The following ANKFY1 variants were observed in gnomAD, a reference collection of about 807,000 sequenced individuals.
The protein encoded by ANKFY1 is ankyrin repeat and FYVE domain-containing protein 1.
Under a neutral mutation model 128.3 loss-of-function variants are expected in ANKFY1, and 47 were observed. The ratio of observed to expected loss-of-function variants is 0.37; its 90% CI spans 0.29 to 0.47. ANKFY1 has a LOEUF of 0.47. ANKFY1 is among the 20% of genes least tolerant of loss of function. The pLI is 1.00. For missense variants in ANKFY1, 1,222 were observed against 1,510.6 expected (o/e 0.81, Z 3.17); for synonymous variants, 553 against 601.6 (o/e 0.92, Z 1.18).
intron 3 of ANKFY1, among the ~76,000 whole-genome samples, chr17:4,231,219 G>C (rs1366924546): frequency 6.6e-6 from 1 of 152,224 alleles, no homozygotes; most frequent in Non-Finnish European, 1.5e-5. Flanking sequence ...ACAAGAGCCA[G>C]GCAGAGTGGC....
rs571532088 is a variant in ANKFY1, at chr17:4,257,161, C to G, written c.10+6771G>C. Among the ~76,000 whole-genome samples, 3 of 152,288 alleles carry G rather than the reference C, an allele frequency of 2.0e-5. No homozygotes were observed. The South Asian group carries it at 6.2e-4, about 32-fold the overall frequency. On this transcript the variant is annotated intron_variant, in intron 1 of 24. Transcript: ENST00000341657. ...TGAGTCATCTTTGATTCTCTCTCAT[C>G]AACATTCAACCAGGTTTCAAAAGTC...
chr17:4,177,390 A>T, intron 18 of ANKFY1, 88 bp from the exon 19 acceptor site: 2 of 1,216,600 alleles, frequency 1.6e-6, no homozygotes, highest in Non-Finnish European at 2.3e-6. Flanking sequence ...ACCACTGGAG[A>T]GGTCACGATG....
chr17:4,223,271 G>A lies in ANKFY1; in HGVS notation c.323-6153C>T, dbSNP rs922427446. Reference sequence around the variant, plus strand: ...GGTGACACTGCCTTACATGAACTGAGGGAATCTTCACTTGTTTTTACGGCA... The same window carrying A: ...GGTGACACTGCCTTACATGAACTGAAGGAATCTTCACTTGTTTTTACGGCA... On this transcript the variant is annotated intron_variant, in intron 3 of 24. Coordinates refer to ENST00000341657, the MANE Select transcript of ANKFY1 (RefSeq NM_001330063.2). The A allele has an allele frequency of 4.3e-5, 38 of 890,030 alleles. No individual in the cohort carries two copies. The Admixed American group carries it at 6.8e-4, about 16-fold the overall frequency. 55.1% of individuals were successfully genotyped at this position (890,030 alleles called of 1,614,324 possible).
intron 3 of ANKFY1, among the ~76,000 whole-genome samples, chr17:4,233,984 G>A (rs561881807): frequency 1.1e-3 from 160 of 152,306 alleles, no homozygotes; most frequent in African/African-American, 3.5e-3. Flanking sequence ...TGATGGTCCC[G>A]TAAAATTATA....
intron 1 of ANKFY1, among the ~76,000 whole-genome samples, chr17:4,252,943 C>T (rs570346101): frequency 3.9e-5 from 6 of 152,178 alleles, no homozygotes; most frequent in Admixed American, 6.5e-5. Flanking sequence ...GCAAAAAAGA[C>T]TACATACTGT....
intron 11 of ANKFY1, among the ~76,000 whole-genome samples, chr17:4,185,781 C>T (rs2059600472): frequency 6.6e-6 from 1 of 152,052 alleles, no homozygotes; most frequent in South Asian, 2.1e-4. Flanking sequence ...CTTATCACGA[C>T]AGAACAATAA....
intron 1 of ANKFY1, among the ~76,000 whole-genome samples, chr17:4,247,233 C>T (rs939333608): frequency 6.6e-6 from 1 of 152,164 alleles, no homozygotes; most frequent in African/African-American, 2.4e-5. Flanking sequence ...CATCTTCCCC[C>T]TCTCTGCTCT....
intron 2 of ANKFY1, among the ~76,000 whole-genome samples, chr17:4,237,781 T>TA (rs1966982992): frequency 6.6e-6 from 1 of 152,158 alleles, no homozygotes; most frequent in Admixed American, 6.6e-5. Context: ...CCATGAGGAT[T>TA]CTATGTTGAA....
In ANKFY1 at chr17:4,178,932, A is replaced by C; in HGVS notation, c.2523T>G (p.Phe841Leu). The C allele has an allele frequency of 6.2e-7, 1 of 1,614,260 alleles. No homozygotes were observed. The highest frequency in any genetic ancestry group is 8.5e-7 in the Non-Finnish European group (1 of 1,180,052). The change falls in exon 18 of 25, where the codon TTT (phenylalanine) becomes TTG (leucine). Residue 841 changes from phenylalanine to leucine, a missense_variant. Transcript: ENST00000341657. This position sits in a 1 kb window ranked among gnomAD's most constrained non-coding sequence, Gnocchi z 4.1. ...NVRDRQGLTP[F>L]ACAMTFKNNK... ...TGTTCTTGAAAGTCATGGCACAGGC[A>C]AACGGGGTCAGCCCTTGTCTGTCTC... is the stretch of plus-strand genomic sequence containing the variant.
intron 6 of ANKFY1, among the ~76,000 whole-genome samples, chr17:4,206,875 TC>T (rs2143015537): frequency 6.6e-6 from 1 of 152,238 alleles, no homozygotes; most frequent in Admixed American, 6.5e-5. Context: ...GTTTAATGTC[TC>T]CCCATACACT....
At chr17:4,207,189 C>A (rs982110191) in intron 6 of ANKFY1, among the ~76,000 whole-genome samples, 9 of 152,182 alleles carry the variant, frequency 5.9e-5, no homozygotes, top group African/African-American at 1.9e-4. Flanking sequence ...TCTATCTAAC[C>A]ACAGAGGGCC....
At chr17:4,262,945 G>T (rs1968500736) in intron 1 of ANKFY1, among the ~76,000 whole-genome samples, 1 of 152,130 alleles carries the variant, frequency 6.6e-6, no homozygotes, top group Non-Finnish European at 1.5e-5. Flanking sequence ...CAAGTGATGG[G>T]TTCAGTCAAA....
At chr17:4,225,510 A>C (rs1179072996) in intron 3 of ANKFY1, among the ~76,000 whole-genome samples, 1 of 152,174 alleles carries the variant, frequency 6.6e-6, no homozygotes, top group Non-Finnish European at 1.5e-5. Context: ...ATTTCTAAAT[A>C]ATCTCTGGGT....
At chr17:4,244,158 T>G (rs565509966) in intron 1 of ANKFY1, among the ~76,000 whole-genome samples, 38 of 152,296 alleles carry the variant, frequency 2.5e-4, no homozygotes, top group African/African-American at 8.7e-4. Context: ...CTCAGACTCC[T>G]GGCCTCAAGT....
rs2059190356 is a variant in ANKFY1 at position 4,165,197 on chromosome 17, CTG to C, written c.*2580_*2581del. On this transcript the variant is annotated 3_prime_UTR_variant, in exon 25 of 25. Coordinates refer to ENST00000341657, the MANE Select transcript of ANKFY1 (RefSeq NM_001330063.2). ...TTTTAAAAACAACGACAACAAAAGACTGTTAGGAATACACTGGATAATAAATC... is the reference window on the plus strand; with the variant it reads ...TTTTAAAAACAACGACAACAAAAGACTTAGGAATACACTGGATAATAAATC... 1 of 152,190 alleles carries C rather than the reference CTG, an allele frequency of 6.6e-6. No individual in the cohort carries two copies. Among genetic ancestry groups the C allele is most frequent in the Non-Finnish European group, 1.5e-5 (1 of 68,036 alleles). 9.4% of individuals were successfully genotyped at this position (152,190 alleles called of 1,614,324 possible). A position where few individuals can be genotyped will look rare whatever the true frequency, so the allele number is the denominator to read the frequency against.
intron 1 of ANKFY1, among the ~76,000 whole-genome samples, chr17:4,254,296 T>C (rs1598154987): frequency 1.0e-5 from 1 of 98,640 alleles, no homozygotes; most frequent in Admixed American, 1.6e-4. Flanking sequence ...AGAGTGAGAC[T>C]CCATCTCAAA....
chr17:4,205,965 C>A (rs1010158920), intron 7 of ANKFY1, among the ~76,000 whole-genome samples: 4 of 152,212 alleles, frequency 2.6e-5, no homozygotes, highest in African/African-American at 4.8e-5. Context: ...ATCCTTGTAT[C>A]TGTGGTAGAA....
At chr17:4,174,891 T>TA (rs1027459938) in intron 19 of ANKFY1, among the ~76,000 whole-genome samples, 2 of 151,374 alleles carry the variant, frequency 1.3e-5, no homozygotes, top group Admixed American at 1.3e-4. Context: ...CCTGGCTAAT[T>TA]AAAAAAAAGA....
At chr17:4,190,806 T>C (rs2059702775) in intron 10 of ANKFY1, among the ~76,000 whole-genome samples, 1 of 152,100 alleles carries the variant, frequency 6.6e-6, no homozygotes, top group African/African-American at 2.4e-5. Context: ...TATTTGAAAT[T>C]CTAAATAAAC....
Sources: allele counts gnomAD v4.1 joint callset (sites outside exome capture counted in the v4.1 genomes callset), GRCh38; gene constraint gnomAD v4.1.1; non-coding constraint Gnocchi (gnomAD v3.1); transcripts MANE v1.5; gene names NCBI Gene and HGNC (gene_info 2026-07-23, HGNC 2026-07-21).